The following ZNF491 variants were observed in gnomAD, a reference collection of about 807,000 sequenced individuals.
ZNF491 encodes the protein zinc finger protein 491.
A neutral mutation model predicts 34.7 loss-of-function variants in ZNF491; 22 were observed. That is an observed-to-expected ratio of 0.63 (90% CI 0.45 to 0.90). ZNF491 has a LOEUF of 0.90. Ranked by LOEUF, ZNF491 falls within the 40% of genes least tolerant of loss-of-function variation. The pLI, the probability that ZNF491 is intolerant of heterozygous loss-of-function variation, is 0.00. For missense variants in ZNF491, 559 were observed against 531.7 expected (o/e 1.05, Z -0.51); for synonymous variants, 148 against 174.3 (o/e 0.85, Z 1.19).
chr19:11,800,900 CA>C (rs906212254), intron 1 of ZNF491, among the ~76,000 whole-genome samples: 1 of 151,628 alleles, frequency 6.6e-6, no homozygotes, highest in African/African-American at 2.4e-5. Flanking sequence ...GGCATGGTGT[CA>C]TATTCCTGTA....
intron 1 of ZNF491, among the ~76,000 whole-genome samples, chr19:11,801,006 C>G (rs919273546): frequency 2.6e-5 from 4 of 151,744 alleles, no homozygotes; most frequent in Non-Finnish European, 5.9e-5. Flanking sequence ...CCACTGCACT[C>G]CAGCCTGGGA....
In ZNF491 at chr19:11,807,608, T is replaced by C. The variant is rs1483489769; in HGVS notation, c.*341T>C. On this transcript the variant is annotated 3_prime_UTR_variant, in exon 3 of 3. Transcript: ENST00000323169. The stretch of plus-strand genomic sequence containing the variant: ...TCCAAATCTCTTGACTTTCCTTTTT[T>C]CAGAGGTGTAGGTTTCCAAAGATGT... The C allele has an allele frequency of 8.7e-6, 2 of 230,654 alleles. No homozygotes were observed. The highest frequency in any genetic ancestry group is 1.8e-5 in the Non-Finnish European group (2 of 109,886). 14.3% of individuals were successfully genotyped at this position (230,654 alleles called of 1,614,324 possible).
intron 1 of ZNF491, among the ~76,000 whole-genome samples, chr19:11,801,304 T>C (rs1354451715): frequency 6.6e-6 from 1 of 152,230 alleles, no homozygotes; most frequent in African/African-American, 2.4e-5. Flanking sequence ...TTCTTGACAT[T>C]GATCATCTTT....
rs1248369864 is a variant in ZNF491, at chr19:11,806,911, A to T, written c.958A>T (p.Thr320Ser). ...CSTSFQYHER[T>S]HTGEKPDGCK... ...CACTTCGTTTCAATATCATGAAAGG[A>T]CTCACACTGGAGAGAAACCCGATGG... Residue 320 changes from threonine to serine, a missense_variant, in exon 3 of 3, where the codon ACT becomes TCT. Transcript: ENST00000323169. 1.9e-6 allele frequency: 3 copies of T among 1,612,980 alleles called. No homozygotes were observed. The Admixed American group carries it at 5.0e-5, about 27-fold the overall frequency.
intron 1 of ZNF491, among the ~76,000 whole-genome samples, chr19:11,802,943 T>G (rs1000620516): frequency 1.3e-5 from 2 of 151,908 alleles, no homozygotes; most frequent in Non-Finnish European, 2.9e-5. Flanking sequence ...AACACATCTT[T>G]CTCTCCGGAT....
chr19:11,804,190 G>A (rs374650490), intron 1 of ZNF491, among the ~76,000 whole-genome samples: 2 of 136,140 alleles, frequency 1.5e-5, no homozygotes, highest in East Asian at 4.5e-4. Flanking sequence ...GTGACAGAGT[G>A]AGGCCCCATC....
At chr19:11,799,944 T>G (rs1975541451) in intron 1 of ZNF491, among the ~76,000 whole-genome samples, 1 of 151,270 alleles carries the variant, frequency 6.6e-6, no homozygotes, top group Non-Finnish European at 1.5e-5. Flanking sequence ...AAAAAAAAAT[T>G]AGTCAGGTAT....
chr19:11,803,002 G>C (rs1477953927), intron 1 of ZNF491, among the ~76,000 whole-genome samples: 1 of 142,310 alleles, frequency 7.0e-6, no homozygotes, highest in East Asian at 2.1e-4. Flanking sequence ...TTTTTTCCAA[G>C]ATGGACTCTC....
rs954549718 is a variant in ZNF491, at chr19:11,807,597, C to T, written c.*330C>T. ...CAAGAGTATCCTCCAAATCTCTTGA[C>T]TTTCCTTTTTTCAGAGGTGTAGGTT... On this transcript the variant is annotated 3_prime_UTR_variant, in exon 3 of 3. Coordinates refer to ENST00000323169, the MANE Select transcript of ZNF491 (RefSeq NM_152356.4). The T allele has an allele frequency of 4.0e-6, 1 of 248,952 alleles. No individual in the cohort carries two copies. The highest frequency in any genetic ancestry group is 8.2e-6 in the Non-Finnish European group (1 of 121,646). The allele number at this position is 248,952 out of a possible 1,614,324, so 15.4% of individuals were successfully genotyped here. A position where few individuals can be genotyped will look rare whatever the true frequency, so the allele number is the denominator to read the frequency against.
At chr19:11,802,079 G>A (rs1975564389) in intron 1 of ZNF491, among the ~76,000 whole-genome samples, 1 of 152,100 alleles carries the variant, frequency 6.6e-6, no homozygotes, top group Non-Finnish European at 1.5e-5. Context: ...TCAGCCTCCT[G>A]AAAGTGTTGG....
chr19:11,804,831 T>C (rs892689091), intron 2 of ZNF491, among the ~76,000 whole-genome samples, 164 bp downstream of exon 2: 1 of 152,138 alleles, frequency 6.6e-6, no homozygotes, highest in Non-Finnish European at 1.5e-5. Flanking sequence ...TTTTAAATAA[T>C]CTTATACTAA....
At position 11,806,543 on chromosome 19, in the gene ZNF491, A is replaced by G. The variant is rs774180069; in HGVS notation, c.590A>G (p.Asn197Ser). 1.5e-5 allele frequency: 25 copies of G among 1,613,892 alleles called. No homozygotes were observed. Among genetic ancestry groups the G allele is most frequent in the Middle Eastern group, 3.3e-4 (2 of 6,062 alleles). The change falls in exon 3 of 3, where the codon AAT becomes AGT. Residue 197 changes from asparagine (N) to serine (S), a missense_variant. Coordinates refer to ENST00000323169, the MANE Select transcript of ZNF491 (RefSeq NM_152356.4). ...TGTAAGGAGTGTGGGAAATCATTCAATTTTTCCAGTTCCTTTCGCAGACAT... is the reference window on the plus strand; with the variant it reads ...TGTAAGGAGTGTGGGAAATCATTCAGTTTTTCCAGTTCCTTTCGCAGACAT... ...YECKECGKSF[N>S]FSSSFRRHER...
intron 1 of ZNF491, among the ~76,000 whole-genome samples, chr19:11,802,828 T>C (rs939479582): frequency 1.3e-5 from 2 of 152,170 alleles, no homozygotes; most frequent in Middle Eastern, 3.2e-3. Context: ...ATATGTAGTC[T>C]CAGGACTGCT....
intron 1 of ZNF491, among the ~76,000 whole-genome samples, chr19:11,801,702 C>T (rs1325989822): frequency 2.0e-5 from 3 of 152,178 alleles, no homozygotes; most frequent in Non-Finnish European, 4.4e-5. Flanking sequence ...AAAAATTTTA[C>T]TAGCTCAAGC....
At chr19:11,802,956 A>G (rs1432848374) in intron 1 of ZNF491, among the ~76,000 whole-genome samples, 3 of 151,528 alleles carry the variant, frequency 2.0e-5, no homozygotes, top group Non-Finnish European at 4.4e-5. Context: ...CTCCGGATTC[A>G]CCAAAAAGAG....
intron 1 of ZNF491, among the ~76,000 whole-genome samples, chr19:11,802,950 G>T (rs1031585944): frequency 1.3e-5 from 2 of 151,308 alleles, no homozygotes; most frequent in African/African-American, 4.9e-5. Flanking sequence ...CTTTCTCTCC[G>T]GATTCACCAA....
chr19:11,806,282 A>T lies in ZNF491; in HGVS notation c.329A>T (p.Lys110Ile). 1 of 1,605,826 alleles carries T rather than the reference A, an allele frequency of 6.2e-7. No individual in the cohort carries two copies. Among genetic ancestry groups the T allele is most frequent in the Non-Finnish European group, 8.5e-7 (1 of 1,177,692 alleles). Residue 110 changes from lysine (K) to isoleucine (I), a missense_variant, in exon 3 of 3, where the codon AAA (lysine) becomes ATA (isoleucine). By Grantham distance (102) the Lys-to-Ile change is moderately radical. Transcript: ENST00000323169. ...CCTTTTGATTGTAAGGAATGTGAAA[A>T]ATCTTTCATTTCTCCTGCAAGCATT... is the stretch of plus-strand genomic sequence containing the variant. ...EKPFDCKECEKSFISPASIRR... is the reference protein window; with the variant it reads ...EKPFDCKECEISFISPASIRR...
chr19:11,806,170 A>G lies in ZNF491; in HGVS notation c.217A>G (p.Lys73Glu), dbSNP rs1217789004. The change falls in exon 3 of 3, where the codon AAG becomes GAG. Residue 73 changes from lysine to glutamate, a missense_variant. By Grantham distance (56) the Lys-to-Glu change is moderately conservative. Transcript: ENST00000323169. The stretch of plus-strand genomic sequence containing the variant: ...ACATAAGTGTCAGAAATTTTTAGAG[A>G]AGCCATATAAACATAAACAACGTAG... Reference protein sequence around the residue: ...QPHKCQKFLEKPYKHKQRRKA... With the variant: ...QPHKCQKFLEEPYKHKQRRKA... 1 of 1,614,032 alleles carries G rather than the reference A, an allele frequency of 6.2e-7. No individual in the cohort carries two copies. Among genetic ancestry groups the G allele is most frequent in the South Asian group, 1.1e-5 (1 of 91,080 alleles).
intron 2 of ZNF491, 35 bp from the exon 3 acceptor site, chr19:11,805,912 C>A: frequency 6.8e-7 from 1 of 1,463,940 alleles, no homozygotes; most frequent in Non-Finnish European, 9.2e-7. Context: ...CGCTTATAAA[C>A]AGACCCTTAA....
Sources: allele counts gnomAD v4.1 joint callset (sites outside exome capture counted in the v4.1 genomes callset), GRCh38; gene constraint gnomAD v4.1.1; transcripts MANE v1.5; gene names NCBI Gene and HGNC (gene_info 2026-07-23, HGNC 2026-07-21).